CATSPERT: variants seen among roughly 807,000 people sequenced by gnomAD.
CATSPERT encodes catsper channel auxiliary subunit tau.
the CATSPERT span, among the ~76,000 whole-genome samples, chr2:201,584,640 G>A: frequency 7.9e-5 from 12 of 151,760 alleles, no homozygotes; most frequent in African/African-American, 1.5e-4. Flanking sequence ...AAATTTAGCC[G>A]GGCATGGTGT....
chr2:201,591,386 A>G, the CATSPERT span, among the ~76,000 whole-genome samples: 1 of 152,182 alleles, frequency 6.6e-6, no homozygotes, highest in Non-Finnish European at 1.5e-5. Flanking sequence ...TGGTTACTGT[A>G]GTCTTGTAGT....
chr2:201,525,524 C>T, the CATSPERT span, among the ~76,000 whole-genome samples: 2 of 151,980 alleles, frequency 1.3e-5, no homozygotes, highest in African/African-American at 4.8e-5. Context: ...AATTAACAAC[C>T]TAATGTCACA....
At chr2:201,586,091 CT>C in the CATSPERT span, among the ~76,000 whole-genome samples, 5 of 152,158 alleles carry the variant, frequency 3.3e-5, no homozygotes, top group African/African-American at 1.2e-4. Flanking sequence ...AGTAAATACG[CT>C]TTCTCTTCCC....
chr2:201,556,518 A>C, the CATSPERT span, among the ~76,000 whole-genome samples: 1 of 151,454 alleles, frequency 6.6e-6, no homozygotes, highest in African/African-American at 2.4e-5. Flanking sequence ...AAAAAGAAAA[A>C]AAAAAAAAAG....
At chr2:201,538,068 C>A in the CATSPERT span, among the ~76,000 whole-genome samples, 1 of 151,876 alleles carries the variant, frequency 6.6e-6, no homozygotes, top group Non-Finnish European at 1.5e-5. Context: ...CTTAAATTTT[C>A]TAGTGCAAAA....
the CATSPERT span, chr2:201,555,105 C>T: frequency 2.0e-5 from 3 of 152,154 alleles, no homozygotes; most frequent in African/African-American, 4.8e-5. Context: ...TAATATAATA[C>T]GAATTACTAT....
chr2:201,487,719 AC>A, the CATSPERT span: 1 of 1,614,102 alleles, frequency 6.2e-7, no homozygotes. Context: ...CGACTTGTAA[AC>A]TTTCCACTGT....
At chr2:201,579,324 C>G in the CATSPERT span, among the ~76,000 whole-genome samples, 1 of 152,046 alleles carries the variant, frequency 6.6e-6, no homozygotes, top group Non-Finnish European at 1.5e-5. Context: ...ACTGCAGCCT[C>G]GACCTCACTG....
At chr2:201,493,301 T>C in the CATSPERT span, 1 of 1,536,610 alleles carries the variant, frequency 6.5e-7, no homozygotes, top group Non-Finnish European at 8.7e-7. Flanking sequence ...TGTGGGAACA[T>C]ATTTTGGTCT....
chr2:201,564,612 T>C, the CATSPERT span, among the ~76,000 whole-genome samples: 2 of 152,112 alleles, frequency 1.3e-5, no homozygotes, highest in African/African-American at 2.4e-5. Context: ...GGGAGGTAAC[T>C]GGGTCATGAG....
chr2:201,581,513 TATATATATATAA>T, the CATSPERT span, among the ~76,000 whole-genome samples: 96 of 59,958 alleles, frequency 1.6e-3, 2 homozygotes, highest in African/African-American at 5.2e-3. Context: ...TATATATATA[TATATATATATAA>T]AATATTCTGG....
chr2:201,605,089 T>C, the CATSPERT span, among the ~76,000 whole-genome samples: 365 of 143,410 alleles, frequency 2.5e-3, no homozygotes, highest in African/African-American at 8.5e-3. Flanking sequence ...TACACAAACA[T>C]ATATATGCAC....
the CATSPERT span, among the ~76,000 whole-genome samples, chr2:201,548,019 CAG>C: frequency 6.6e-6 from 1 of 152,008 alleles, no homozygotes; most frequent in Non-Finnish European, 1.5e-5. Context: ...GCTGCTGTAA[CAG>C]AATACAATAG....
the CATSPERT span, among the ~76,000 whole-genome samples, chr2:201,523,915 T>G: frequency 6.6e-6 from 1 of 152,076 alleles, no homozygotes. Context: ...AAAGACCAGT[T>G]CTTTGAATTA....
At chr2:201,607,159 TG>T in the CATSPERT span, among the ~76,000 whole-genome samples, 198 of 152,266 alleles carry the variant, frequency 1.3e-3, no homozygotes, top group African/African-American at 4.6e-3. Context: ...ACTGGCTAAA[TG>T]GATCAAAAAA....
chr2:201,538,846 G>A, the CATSPERT span, among the ~76,000 whole-genome samples: 1,118 of 152,190 alleles, frequency 7.3e-3, 14 homozygotes, highest in African/African-American at 0.026. Flanking sequence ...AGGTCCCAGT[G>A]TGTGTTGTTC....
chr2:201,574,093 G>T, the CATSPERT span: 1 of 641,036 alleles, frequency 1.6e-6, no homozygotes. Context: ...AGGTAAAGAA[G>T]CATCTTTTAA....
chr2:201,562,005 C>T, the CATSPERT span, among the ~76,000 whole-genome samples: 1 of 151,888 alleles, frequency 6.6e-6, no homozygotes. Context: ...CCTATCTTGT[C>T]TCAAGCCACC....
At chr2:201,618,708 T>C in the CATSPERT span, among the ~76,000 whole-genome samples, 54 of 128,926 alleles carry the variant, frequency 4.2e-4, no homozygotes, top group South Asian at 0.012. Flanking sequence ...TAAAGTATAA[T>C]AAAAAATAAA....
Sources: allele counts gnomAD v4.1 joint callset (sites outside exome capture counted in the v4.1 genomes callset), GRCh38; gene constraint gnomAD v4.1.1; transcripts MANE v1.5; gene names NCBI Gene and HGNC (gene_info 2026-07-23, HGNC 2026-07-21).